Variants in RPGRIP1L observed in about 807,000 individuals in gnomAD.
RPGRIP1L encodes RPGRIP1 like.
RPGRIP1L carries 131 observed loss-of-function variants against 160.4 expected under a neutral mutation model. The ratio of observed to expected loss-of-function variants is 0.82; its 90% CI spans 0.71 to 0.94. The LOEUF is 0.94. RPGRIP1L is among the 40% of genes least tolerant of loss of function. The pLI is 0.00. For missense variants in RPGRIP1L, 1,522 were observed against 1,535.8 expected (o/e 0.99, Z 0.15); for synonymous variants, 510 against 515.8 (o/e 0.99, Z 0.15).
At chr16:53,698,478 G>A (rs1220508102) in intron 2 of RPGRIP1L, among the ~76,000 whole-genome samples, 29 of 144,636 alleles carry the variant, frequency 2.0e-4, no homozygotes, top group African/African-American at 3.2e-4. Flanking sequence ...CAGCCGCCCC[G>A]TCCAGGAGGG....
chr16:53,690,255 G>A (rs141534810), intron 4 of RPGRIP1L, among the ~76,000 whole-genome samples: 4,780 of 152,098 alleles, frequency 0.031, 161 homozygotes, highest in East Asian at 0.14. Context: ...GGAGTGCAAT[G>A]GTGCAATCTT....
At chr16:53,605,398 G>T in intron 26 of RPGRIP1L, 83 bp downstream of exon 26, 1 of 1,513,752 alleles carries the variant, frequency 6.6e-7, no homozygotes, top group South Asian at 1.1e-5. Context: ...CACCCTTGGA[G>T]CCAGCAAAAA....
chr16:53,654,033 G>A (rs1294467347), intron 14 of RPGRIP1L, among the ~76,000 whole-genome samples: 2 of 151,998 alleles, frequency 1.3e-5, no homozygotes, highest in African/African-American at 4.8e-5. Context: ...GCGGAATCTC[G>A]GCTCACTGCA....
At chr16:53,650,285 G>C (rs1826777497) in intron 15 of RPGRIP1L, among the ~76,000 whole-genome samples, 2 of 152,108 alleles carry the variant, frequency 1.3e-5, no homozygotes, top group South Asian at 4.1e-4. Flanking sequence ...CAGCAAGAAG[G>C]CCCTTACCAG....
chr16:53,644,692 C>G (rs147009774), intron 17 of RPGRIP1L, among the ~76,000 whole-genome samples: 26 of 152,262 alleles, frequency 1.7e-4, no homozygotes, highest in Admixed American at 1.3e-4. Context: ...AAGTTAAAAA[C>G]TAAACTGTTG....
At chr16:53,668,667 C>G (rs756061373) in intron 9 of RPGRIP1L, among the ~76,000 whole-genome samples, 5 of 152,128 alleles carry the variant, frequency 3.3e-5, no homozygotes, top group Non-Finnish European at 7.4e-5. Flanking sequence ...CCAACACTAA[C>G]TAACTTCAAA....
At chr16:53,648,606 ACGCGCGTG>A (rs969912712) in intron 16 of RPGRIP1L, among the ~76,000 whole-genome samples, 3 of 125,112 alleles carry the variant, frequency 2.4e-5, no homozygotes, top group Non-Finnish European at 5.0e-5. Flanking sequence ...ACATATACGT[ACGCGCGTG>A]CGCGCGCGCG....
intron 10 of RPGRIP1L, 144 bp from the exon 11 acceptor site, chr16:53,659,022 A>G: frequency 1.4e-6 from 1 of 702,906 alleles, no homozygotes; most frequent in Non-Finnish European, 2.4e-6. Flanking sequence ...GCACCTCGAC[A>G]AAGACAGCAG....
At chr16:53,633,506 C>T (rs565652512) in intron 22 of RPGRIP1L, among the ~76,000 whole-genome samples, 34 of 152,220 alleles carry the variant, frequency 2.2e-4, no homozygotes, top group African/African-American at 7.9e-4. Flanking sequence ...GGCATGAAAA[C>T]GAAATGCAAT....
chr16:53,613,902 ACCTACTTAGAATGTGG>A, intron 24 of RPGRIP1L, among the ~76,000 whole-genome samples: 1 of 152,284 alleles, frequency 6.6e-6, no homozygotes, highest in Non-Finnish European at 1.5e-5. Flanking sequence ...GCCCAAGACC[ACCTACTTAGAATGTGG>A]CAGAGCCAGA....
chr16:53,680,188 G>A (rs1420335472), intron 6 of RPGRIP1L, among the ~76,000 whole-genome samples: 1 of 152,158 alleles, frequency 6.6e-6, no homozygotes, highest in African/African-American at 2.4e-5. Flanking sequence ...ATAAAAACAT[G>A]AGGATAAAAG....
intron 6 of RPGRIP1L, among the ~76,000 whole-genome samples, chr16:53,683,211 G>A (rs1046527674): frequency 6.6e-6 from 1 of 151,710 alleles, no homozygotes; most frequent in African/African-American, 2.4e-5. Flanking sequence ...AATCTTACTT[G>A]GTTTTTCTAA....
At chr16:53,637,623 T>C in intron 21 of RPGRIP1L, 72 bp downstream of exon 21, 1 of 1,330,098 alleles carries the variant, frequency 7.5e-7, no homozygotes, top group East Asian at 2.3e-5. Context: ...AGATGTTCTA[T>C]GATGCATACT....
chr16:53,626,145 T>TAAAAAAAAAAAAAAA (rs760491478), intron 22 of RPGRIP1L, among the ~76,000 whole-genome samples: 6 of 60,526 alleles, frequency 9.9e-5, no homozygotes, highest in African/African-American at 1.9e-4. Context: ...CAATAAATAC[T>TAAAAAAAAAAAAAAA]AAAAAAAAAA....
chr16:53,653,410 G>T, intron 14 of RPGRIP1L: 1 of 896,302 alleles, frequency 1.1e-6, no homozygotes, highest in Non-Finnish European at 1.4e-6. Context: ...TCTTCTTCGT[G>T]GGGTGATGGA....
intron 24 of RPGRIP1L, 76 bp from the exon 25 acceptor site, chr16:53,611,127 T>A (rs955680933): frequency 2.6e-5 from 27 of 1,020,256 alleles, no homozygotes; most frequent in Non-Finnish European, 4.1e-5. Context: ...TCTGTATTTT[T>A]AAAAATACCT....
intron 19 of RPGRIP1L, among the ~76,000 whole-genome samples, chr16:53,640,172 C>G (rs909694359): frequency 8.5e-5 from 13 of 152,070 alleles, no homozygotes; most frequent in African/African-American, 2.2e-4. Context: ...AAATTTCATG[C>G]CTGTGCAATC....
chr16:53,619,280 C>A (rs1315485667), intron 23 of RPGRIP1L, 72 bp from the exon 24 acceptor site: 3 of 1,390,478 alleles, frequency 2.2e-6, no homozygotes, highest in African/African-American at 1.4e-5. Context: ...CTATTACTTT[C>A]CACTATCAAT....
chr16:53,637,927 G>A, intron 20 of RPGRIP1L, 73 bp from the exon 21 acceptor site: 2 of 1,444,040 alleles, frequency 1.4e-6, no homozygotes, highest in African/African-American at 2.8e-5. Context: ...TGCTGGAACA[G>A]TTGAATAATA....
Sources: allele counts gnomAD v4.1 joint callset (sites outside exome capture counted in the v4.1 genomes callset), GRCh38; gene constraint gnomAD v4.1.1; transcripts MANE v1.5; gene names NCBI Gene and HGNC (gene_info 2026-07-23, HGNC 2026-07-21).